The following MAP2 variants were observed in gnomAD, a reference collection of about 807,000 sequenced individuals.
MAP2 encodes microtubule associated protein 2, also known as microtubule-associated protein 2.
A neutral mutation model predicts 137.6 loss-of-function variants in MAP2; 14 were observed. The ratio of observed to expected loss-of-function variants is 0.10; its 90% CI spans 0.07 to 0.16. The LOEUF (loss-of-function observed/expected upper bound fraction) is 0.16. MAP2 is among the 10% of genes least tolerant of loss of function. The pLI is 1.00. For missense variants in MAP2, 2,088 were observed against 2,191.5 expected, an observed-to-expected ratio of 0.95 and a Z score of 0.94; for synonymous variants, 786 against 782.3, an observed-to-expected ratio of 1.00 and a Z score of -0.08.
At chr2:209,709,630 GT>G (rs774762092) in intron 12 of MAP2, among the ~76,000 whole-genome samples, 14 of 151,956 alleles carry the variant, frequency 9.2e-5, no homozygotes, top group Middle Eastern at 3.4e-3. Flanking sequence ...GTAGAAAATA[GT>G]TTTTGACACA....
At chr2:209,548,189 G>A (rs2068461168) in intron 2 of MAP2, among the ~76,000 whole-genome samples, 1 of 152,184 alleles carries the variant, frequency 6.6e-6, no homozygotes, top group African/African-American at 2.4e-5. Context: ...TATTTCCTGA[G>A]TAGCTTAACC....
At chr2:209,447,497 G>A (rs1005164233) in intron 1 of MAP2, among the ~76,000 whole-genome samples, 1 of 152,006 alleles carries the variant, frequency 6.6e-6, no homozygotes, top group South Asian at 2.1e-4. Flanking sequence ...CATCTTGGTA[G>A]CAACTCTCTC....
At chr2:209,675,758 G>A (rs572670301) in intron 5 of MAP2, among the ~76,000 whole-genome samples, 9 of 151,558 alleles carry the variant, frequency 5.9e-5, no homozygotes, top group African/African-American at 1.9e-4. Flanking sequence ...ATAACCAATG[G>A]ATACTTATTT....
intron 12 of MAP2, among the ~76,000 whole-genome samples, chr2:209,707,913 T>C (rs944947174): frequency 1.3e-5 from 2 of 152,112 alleles, no homozygotes; most frequent in East Asian, 1.9e-4. Flanking sequence ...ATCCAGAATA[T>C]TGCTTCAATT....
intron 2 of MAP2, among the ~76,000 whole-genome samples, chr2:209,536,217 T>C (rs2065922343): frequency 6.6e-6 from 1 of 152,230 alleles, no homozygotes; most frequent in Non-Finnish European, 1.5e-5. Flanking sequence ...CAAGTATATT[T>C]CAGTTATTTA....
At chr2:209,485,784 T>C (rs1371441435) in intron 1 of MAP2, among the ~76,000 whole-genome samples, 1 of 152,222 alleles carries the variant, frequency 6.6e-6, no homozygotes, top group African/African-American at 2.4e-5. Context: ...TTCACATGAA[T>C]TTGTCATTTG....
At chr2:209,543,028 G>T (rs1191695043) in intron 2 of MAP2, among the ~76,000 whole-genome samples, 1 of 152,166 alleles carries the variant, frequency 6.6e-6, no homozygotes, top group African/African-American at 2.4e-5. Flanking sequence ...TTTTTAACAT[G>T]CCTGCCTCAC....
At position 209,653,161 on chromosome 2, in the gene MAP2, G is replaced by A; in HGVS notation, c.-10G>A. On this transcript the variant is annotated 5_prime_UTR_variant, in exon 5 of 16. Transcript: ENST00000682079. ...TTTCAGTTGCAGGAGAAATAACAAGGCATTGAAGAATGGCAGATGAACGGA... is the reference window on the plus strand; with the variant it reads ...TTTCAGTTGCAGGAGAAATAACAAGACATTGAAGAATGGCAGATGAACGGA... The A allele has an allele frequency of 6.3e-7, 1 of 1,581,354 alleles. No individual in the cohort carries two copies. The highest frequency in any genetic ancestry group is 8.6e-7 in the Non-Finnish European group (1 of 1,165,468).
intron 7 of MAP2, among the ~76,000 whole-genome samples, chr2:209,685,386 C>G (rs2056637114): frequency 1.3e-5 from 2 of 152,178 alleles, no homozygotes; most frequent in Admixed American, 6.5e-5. Flanking sequence ...ATACACAACA[C>G]AATAAGAAAT....
chr2:209,521,415 C>A (rs2063265411), intron 2 of MAP2, among the ~76,000 whole-genome samples: 1 of 151,938 alleles, frequency 6.6e-6, no homozygotes, highest in African/African-American at 2.4e-5. Context: ...CTTCCTCCCC[C>A]ACCCCCTCTT....
chr2:209,497,721 AAGAG>A (rs995116056), intron 1 of MAP2, among the ~76,000 whole-genome samples: 31 of 152,078 alleles, frequency 2.0e-4, no homozygotes, highest in Admixed American at 1.3e-3. Context: ...ACAAGAGAGA[AAGAG>A]AGAGTAGAAT....
At chr2:209,507,142 T>C (rs997663776) in intron 1 of MAP2, among the ~76,000 whole-genome samples, 9 of 152,246 alleles carry the variant, frequency 5.9e-5, no homozygotes, top group Middle Eastern at 3.4e-3. Flanking sequence ...CATTGGGGGA[T>C]TAGGATCTCA....
At chr2:209,463,437 GC>G (rs1399490930) in intron 1 of MAP2, among the ~76,000 whole-genome samples, 3 of 152,090 alleles carry the variant, frequency 2.0e-5, no homozygotes, top group African/African-American at 7.2e-5. Context: ...GCCACTAGAG[GC>G]CTGAGAATGT....
chr2:209,530,179 A>G (rs2064886968), intron 2 of MAP2, among the ~76,000 whole-genome samples: 1 of 151,910 alleles, frequency 6.6e-6, no homozygotes, highest in South Asian at 2.1e-4. Flanking sequence ...TCACATATGC[A>G]TCCCAGATAG....
At chr2:209,679,741 T>C (rs1439570619) in intron 6 of MAP2, among the ~76,000 whole-genome samples, 1 of 152,062 alleles carries the variant, frequency 6.6e-6, no homozygotes, top group African/African-American at 2.4e-5. Context: ...TTAAAACACA[T>C]AGAGAATTAT....
chr2:209,725,816 G>A (rs1313838352), intron 14 of MAP2, 26 bp downstream of exon 14: 4 of 1,492,034 alleles, frequency 2.7e-6, no homozygotes, highest in African/African-American at 1.4e-5. Context: ...TTAGTAGTTT[G>A]AGAAATATTT....
chr2:209,446,861 C>A (rs1001598866), intron 1 of MAP2, among the ~76,000 whole-genome samples: 1 of 151,826 alleles, frequency 6.6e-6, no homozygotes, highest in African/African-American at 2.4e-5. Flanking sequence ...CTTGACTCAT[C>A]CAAGTTCAAA....
At chr2:209,431,706 T>A (rs978943201) in intron 1 of MAP2, among the ~76,000 whole-genome samples, 2 of 152,152 alleles carry the variant, frequency 1.3e-5, no homozygotes, top group African/African-American at 4.8e-5. Context: ...TGAAGACTCA[T>A]CTCATTCTGA....
chr2:209,568,199 T>A (rs2073820646), intron 2 of MAP2, among the ~76,000 whole-genome samples: 1 of 151,996 alleles, frequency 6.6e-6, no homozygotes, highest in African/African-American at 2.4e-5. Context: ...ATGTAATTCC[T>A]GGTGACCATC....
Sources: allele counts gnomAD v4.1 joint callset (sites outside exome capture counted in the v4.1 genomes callset), GRCh38; gene constraint gnomAD v4.1.1; transcripts MANE v1.5; gene names NCBI Gene and HGNC (gene_info 2026-07-23, HGNC 2026-07-21).